SPTBN5: variants seen among roughly 807,000 people sequenced by gnomAD.
SPTBN5 encodes spectrin beta chain, non-erythrocytic 5.
Under a neutral mutation model 477.6 loss-of-function variants are expected in SPTBN5, and 513 were observed. That is an observed-to-expected ratio of 1.07 (90% CI 1.00 to 1.16). The LOEUF (loss-of-function observed/expected upper bound fraction) is 1.16. Among genes scored for constraint, SPTBN5 ranks in the 50% most tolerant of loss-of-function variants. The pLI is 0.00. For missense variants in SPTBN5, 5,062 were observed against 4,731.8 expected (o/e 1.07, Z -2.05); for synonymous variants, 2,169 against 2,011.7 (o/e 1.08, Z -2.09).
In SPTBN5 at chr15:41,849,968, C is replaced by T; in HGVS notation, c.10922-9G>A. On this transcript the variant is annotated splice_polypyrimidine_tract_variant and intron_variant, in intron 66 of 67. Transcript: ENST00000320955. The stretch of plus-strand genomic sequence containing the variant: ...TGGGCTCAGACTCTGGGCTGCAGAG[C>T]AAGGGAATAACCACTGTTAGCCCGG... 4 of 1,579,610 alleles carry T rather than the reference C, an allele frequency of 2.5e-6. No homozygotes were observed. The highest frequency in any genetic ancestry group is 2.3e-5 in the East Asian group (1 of 43,200).
Position 41,866,489 on chromosome 15 carries a change from TCAGCCTG to T in SPTBN5, c.6481-3_6484del, listed in dbSNP as rs747264719. The T allele has an allele frequency of 2.6e-6, 4 of 1,565,826 alleles. No homozygotes were observed. The highest frequency in any genetic ancestry group is 3.5e-6 in the Non-Finnish European group (4 of 1,157,976). ...CTGGGCCCACGCCTGGATCCAGTCC[TCAGCCTG>T]GTGGGGGTGGGACATGAATGCTGCA... On this transcript the variant is annotated splice_acceptor_variant and splice_polypyrimidine_tract_variant and coding_sequence_variant and intron_variant, in exon 37 of 68. Transcript: ENST00000320955. LOFTEE classifies it high-confidence loss of function.
intron 9 of SPTBN5, 88 bp from the exon 10 acceptor site, chr15:41,882,826 G>A (rs2067018626): frequency 6.7e-7 from 1 of 1,482,802 alleles, no homozygotes; most frequent in Admixed American, 2.2e-5. Context: ...ACTCCCCTTA[G>A]ACAGGATTTT....
At chr15:41,865,424 T>C (rs1007504814) in intron 39 of SPTBN5, among the ~76,000 whole-genome samples, 7 of 152,174 alleles carry the variant, frequency 4.6e-5, no homozygotes, top group African/African-American at 1.7e-4. Flanking sequence ...TACAGCAGCA[T>C]CCTATATAAT....
rs61753871 is a variant in SPTBN5 at position 41,870,515 on chromosome 15, G to A, written c.5493C>T (p.His1831=). ...ELWELTQARG[H]ALRDTETTLR... is the part of the protein sequence containing the mutation. The stretch of plus-strand genomic sequence containing the variant: ...GGGTGGTCTCGGTGTCTCGGAGCGC[G>A]TGGCCTCGGGCCTGGGTCAGCTCCC... The change falls in exon 30 of 68, where the codon CAC becomes CAT. Residue 1831 remains histidine (H), a synonymous_variant. Coordinates refer to ENST00000320955, the MANE Select transcript of SPTBN5 (RefSeq NM_016642.4). 0.04 allele frequency: 64,082 copies of A among 1,612,146 alleles called. 1,549 individuals carry two copies. The highest frequency in any genetic ancestry group is 0.06 in the Admixed American group (3,609 of 59,984).
At chr15:41,850,683 C>T (rs546236368) in intron 66 of SPTBN5, 171 bp downstream of exon 66, 124 of 634,726 alleles carry the variant, frequency 2.0e-4, no homozygotes, top group Middle Eastern at 8.5e-4. Flanking sequence ...GGGCAAGTTG[C>T]GTAACCTCTC....
rs189906981 is a variant in SPTBN5, at chr15:41,887,999, G to C, written c.588C>G (p.Asn196Lys). 2 of 1,603,076 alleles carry C rather than the reference G, an allele frequency of 1.2e-6. No individual in the cohort carries two copies. Among genetic ancestry groups the C allele is most frequent in the South Asian group, 2.3e-5 (2 of 88,472 alleles). The change falls in exon 5 of 68, where the codon AAC (asparagine) becomes AAG (lysine). Residue 196 changes from asparagine (N) to lysine (K), a missense_variant. Coordinates refer to ENST00000320955, the MANE Select transcript of SPTBN5 (RefSeq NM_016642.4). ...WCQRKTASYT[N>K]VNITDFSRSW... The stretch of plus-strand genomic sequence containing the variant: ...TTCGGGAGAAATCTGTAATGTTCAC[G>C]TTGGTGTAGCTGGCTGTCTTCCGCT...
Position 41,863,829 on chromosome 15 carries a change from G to A in SPTBN5, c.7035-11C>T, listed in dbSNP as rs1469306724. Reference sequence around the variant, plus strand: ...TGGAAACTCGCCCACCTGGCCAAGGGGTGGTGGTGTCATGTGGAGCCTGAG... The same window carrying A: ...TGGAAACTCGCCCACCTGGCCAAGGAGTGGTGGTGTCATGTGGAGCCTGAG... On this transcript the variant is annotated splice_polypyrimidine_tract_variant and intron_variant, in intron 40 of 67. Transcript: ENST00000320955. 2.5e-6 allele frequency: 4 copies of A among 1,613,524 alleles called. No homozygotes were observed. The highest frequency in any genetic ancestry group is 3.4e-6 in the Non-Finnish European group (4 of 1,179,694).
chr15:41,876,446 CAT>C, intron 20 of SPTBN5, 100 bp downstream of exon 20: 4 of 1,342,384 alleles, frequency 3.0e-6, no homozygotes, highest in South Asian at 1.3e-5. Flanking sequence ...GGATGAATGA[CAT>C]AGCGCGTGAG....
rs61739719 is a variant in SPTBN5 at position 41,867,052 on chromosome 15, C to T, written c.6387G>A (p.Gln2129=). 1.2e-3 allele frequency: 1,832 copies of T among 1,551,828 alleles called. 1 individual carries two copies. Among genetic ancestry groups the T allele is most frequent in the Admixed American group, 1.6e-3 (82 of 51,390 alleles). Residue 2129 remains glutamine (Q), a synonymous_variant, in exon 36 of 68, where the codon CAG becomes CAA. Coordinates refer to ENST00000320955, the MANE Select transcript of SPTBN5 (RefSeq NM_016642.4). ...CCAGCTCCTTCACTCTCATCCGGCG[C>T]TGCAGCAGGATGGGAAGCCGGTCCC... ...RVRDRLPILL[Q]RRMRVKELAE...
chr15:41,876,072 G>T, intron 21 of SPTBN5, 42 bp downstream of exon 21: 2 of 1,569,646 alleles, frequency 1.3e-6, no homozygotes, highest in Non-Finnish European at 1.7e-6. Flanking sequence ...TTGGGAATTT[G>T]AAGACAAGGA....
In SPTBN5 at chr15:41,855,388, G is replaced by A. The variant is rs560796681; in HGVS notation, c.9259C>T (p.His3087Tyr). 2.5e-6 allele frequency: 4 copies of A among 1,604,458 alleles called. No individual in the cohort carries two copies. The highest frequency in any genetic ancestry group is 1.6e-4 in the Middle Eastern group (1 of 6,072). The stretch of plus-strand genomic sequence containing the variant: ...TCCGCCCTCCGCAGCAGCTCTGCGT[G>A]GGCCTCCCGAACTGCCTGCAGCTGG... ...LAQLQAVREA[H>Y]AELLRRAEAR... The change falls in exon 55 of 68, where the codon CAC becomes TAC. Residue 3087 changes from histidine to tyrosine, a missense_variant. Coordinates refer to ENST00000320955, the MANE Select transcript of SPTBN5 (RefSeq NM_016642.4).
Position 41,879,259 on chromosome 15 carries a change from C to T in SPTBN5, c.3182+1G>A, listed in dbSNP as rs750698101. The T allele has an allele frequency of 6.2e-7, 1 of 1,610,244 alleles. No homozygotes were observed. The highest frequency in any genetic ancestry group is 1.7e-5 in the Admixed American group (1 of 59,940). ...CAATGCCACCACTGCGCTGGCCGTA[C>T]TTTACGACCACACTTTGGAGGAAGT... On this transcript the variant is annotated splice_donor_variant, in intron 16 of 67. Coordinates refer to ENST00000320955, the MANE Select transcript of SPTBN5 (RefSeq NM_016642.4). LOFTEE classifies it high-confidence loss of function.
At chr15:41,891,756 G>A (rs1039966127) in intron 3 of SPTBN5, among the ~76,000 whole-genome samples, 1 of 152,164 alleles carries the variant, frequency 6.6e-6, no homozygotes, top group Non-Finnish European at 1.5e-5. Flanking sequence ...GGGCATGGGA[G>A]CATCTCCATA....
intron 15 of SPTBN5, 77 bp downstream of exon 15, chr15:41,879,657 G>C: frequency 6.4e-7 from 1 of 1,570,100 alleles, no homozygotes; most frequent in Non-Finnish European, 8.6e-7. Flanking sequence ...CTGGCATGGC[G>C]GGAGGCAGGT....
chr15:41,863,618 G>C, intron 41 of SPTBN5, 86 bp downstream of exon 41: 2 of 1,051,324 alleles, frequency 1.9e-6, no homozygotes, highest in Non-Finnish European at 2.9e-6. Context: ...AGTGAGGGGG[G>C]AGACGCATGG....
rs1380299456 is a variant in SPTBN5 at position 41,868,387 on chromosome 15, AG to A, written c.6057+10del. The A allele has an allele frequency of 1.9e-6, 3 of 1,594,128 alleles. No homozygotes were observed. The South Asian group carries it at 3.3e-5, about 18-fold the overall frequency. On this transcript the variant is annotated intron_variant, in intron 33 of 67. Transcript: ENST00000320955. ...CTAGGGTATGTGGGGGCACCAGGGG[AG>A]GGGGCCCACCTCCTTGGTGGGTGTC...
rs1478002589 is a variant in SPTBN5, at chr15:41,868,532, G to T, written c.5923C>A (p.Pro1975Thr). 3.7e-6 allele frequency: 6 copies of T among 1,607,570 alleles called. No individual in the cohort carries two copies. Among genetic ancestry groups the T allele is most frequent in the East Asian group, 2.2e-5 (1 of 44,866 alleles). Reference sequence around the variant, plus strand: ...CTGAGCTTCAGCGGGCCACTGCTAGGCTCTTGCGAACTCTCCTCCACCTGC... The same window carrying T: ...CTGAGCTTCAGCGGGCCACTGCTAGTCTCTTGCGAACTCTCCTCCACCTGC... ...DLQVEESSQE[P>T]SSGPLKLSAH... Residue 1975 changes from proline (P) to threonine (T), a missense_variant, in exon 33 of 68, where the codon CCT (proline) becomes ACT (threonine). Pro to Thr is a conservative substitution (Grantham distance 38, BLOSUM62 -1). Coordinates refer to ENST00000320955, the MANE Select transcript of SPTBN5 (RefSeq NM_016642.4).
chr15:41,851,182 G>A lies in SPTBN5; in HGVS notation c.10744-32C>T, dbSNP rs576194544. 76 of 1,600,952 alleles carry A rather than the reference G, an allele frequency of 4.7e-5. No homozygotes were observed. In the Middle Eastern group the frequency reaches 8.3e-4, roughly 17 times the overall value. ...AGAGATGAGAGGCAGGGGTCACTGC[G>A]GCCATCTCAGCTTTTCCCTGTGGGG... On this transcript the variant is annotated intron_variant, in intron 64 of 67. Transcript: ENST00000320955.
At position 41,857,417 on chromosome 15, in the gene SPTBN5, A is replaced by C. The variant is rs542596280; in HGVS notation, c.8442T>G (p.Thr2814=). 6.9e-6 allele frequency: 11 copies of C among 1,600,598 alleles called. No individual in the cohort carries two copies. In the East Asian group the frequency reaches 2.3e-4, roughly 33 times the overall value. ...CCACCCCAGGCAGGGCCTGGCCCAC[A>C]GTGGGGGCTCTCAGCTCAACCTCGA... The part of the protein sequence containing the change: ...EPIEVELRAP[T]VGQALPGVGE... Residue 2814 remains threonine, a synonymous_variant, in exon 51 of 68, where the codon ACT becomes ACG. Coordinates refer to ENST00000320955, the MANE Select transcript of SPTBN5 (RefSeq NM_016642.4).
Sources: allele counts gnomAD v4.1 joint callset (sites outside exome capture counted in the v4.1 genomes callset), GRCh38; gene constraint gnomAD v4.1.1; transcripts MANE v1.5; gene names NCBI Gene and HGNC (gene_info 2026-07-23, HGNC 2026-07-21).